EML4: variants seen among roughly 807,000 people sequenced by gnomAD.
EML4 encodes echinoderm microtubule-associated protein-like 4.
In EML4, 72 loss-of-function variants were observed where a neutral mutation model predicts 129.0. That is an observed-to-expected ratio of 0.56 (90% confidence interval 0.46 to 0.68). The LOEUF is 0.68. Among genes scored for constraint, EML4 ranks in the 30% least tolerant of loss-of-function variants. EML4 has a pLI of 0.00. For synonymous variants in EML4, 532 were observed against 405.0 expected (o/e 1.31, Z -3.77); for missense variants, 1,363 against 1,190.6 (o/e 1.14, Z -2.13).
Position 42,264,678 on chromosome 2 carries a change from A to C in EML4, c.642-28A>C, listed in dbSNP as rs377518538. ...GGTTAGCCATATAAACTTATAAAAT[A>C]AATGTGTTTCTTAAATTTCTTTTCT... On this transcript the variant is annotated intron_variant, in intron 5 of 22. Transcript: ENST00000318522. 6 of 1,283,918 alleles carry C rather than the reference A, an allele frequency of 4.7e-6. No individual in the cohort carries two copies. The East Asian group carries it at 1.4e-4, about 30-fold the overall frequency. The allele number at this position is 1,283,918 out of a possible 1,614,324, so 79.5% of individuals were successfully genotyped here. A position where few individuals can be genotyped will look rare whatever the true frequency, so the allele number is the denominator to read the frequency against.
At position 42,212,238 on chromosome 2, in the gene EML4, G is replaced by C. The variant is rs75506004; in HGVS notation, c.26-33267G>C. On this transcript the variant is annotated intron_variant, in intron 1 of 22. Transcript: ENST00000318522. The stretch of plus-strand genomic sequence containing the variant: ...TGGAGACTTTCTGATCATCTGTTAA[G>C]ATAAAAATGTTTTTGTTGATGGTTT... Among the ~76,000 whole-genome samples, 1,494 of 152,240 alleles carry C rather than the reference G, an allele frequency of 9.8e-3. 62 individuals are homozygous for C. In the East Asian group the frequency reaches 0.13, roughly 13 times the overall value.
intron 17 of EML4, among the ~76,000 whole-genome samples, chr2:42,312,322 C>T (rs1051161887): frequency 2.0e-5 from 3 of 152,024 alleles, no homozygotes; most frequent in Non-Finnish European, 4.4e-5. Context: ...AAAACTGGTT[C>T]AGGCCGTAAC....
At chr2:42,220,365 A>G (rs1205429962) in intron 1 of EML4, among the ~76,000 whole-genome samples, 5 of 151,910 alleles carry the variant, frequency 3.3e-5, no homozygotes, top group Non-Finnish European at 7.4e-5. Context: ...TAGTTCTCAC[A>G]GTATTTCAAA....
chr2:42,263,199 T>C lies in EML4; in HGVS notation c.534T>C (p.Ala178=), dbSNP rs1260588570. 1 of 1,612,522 alleles carries C rather than the reference T, an allele frequency of 6.2e-7. No individual in the cohort carries two copies. Residue 178 remains alanine, a synonymous_variant, in exon 5 of 23, where the codon GCT becomes GCC. Transcript: ENST00000318522. ...PTKSIKRPSP[A]EKSHNSWENS... ...CTAGCATAAAACGACCATCACCAGC[T>C]GAAAAGTCACATAATTCTTGGGAAA...
intron 1 of EML4, among the ~76,000 whole-genome samples, chr2:42,237,642 G>C (rs1229193827): frequency 6.6e-6 from 1 of 152,118 alleles, no homozygotes; most frequent in Admixed American, 6.5e-5. Context: ...CTATTGACCA[G>C]AAGCTTTACT....
At chr2:42,315,691 T>C (rs1198396814) in intron 17 of EML4, among the ~76,000 whole-genome samples, 1 of 151,988 alleles carries the variant, frequency 6.6e-6, no homozygotes, top group African/African-American at 2.4e-5. Context: ...CCAGATAACA[T>C]AGTAAGACCC....
chr2:42,257,259 G>C (rs1676213134), intron 3 of EML4, among the ~76,000 whole-genome samples: 1 of 152,076 alleles, frequency 6.6e-6, no homozygotes, highest in African/African-American at 2.4e-5. Context: ...GTGCTCACAG[G>C]ATTTTCCCCC....
intron 1 of EML4, among the ~76,000 whole-genome samples, chr2:42,230,379 C>A (rs1398930188): frequency 1.3e-5 from 2 of 152,018 alleles, no homozygotes; most frequent in Non-Finnish European, 2.9e-5. Flanking sequence ...CCACACTTAC[C>A]TATTAGCTCA....
chr2:42,266,135 G>A (rs1205142346), intron 6 of EML4, among the ~76,000 whole-genome samples: 5 of 151,894 alleles, frequency 3.3e-5, no homozygotes, highest in African/African-American at 1.2e-4. Context: ...TACTTCTTTC[G>A]TTCCAAAAAG....
chr2:42,299,396 A>G (rs1039027343), intron 13 of EML4, among the ~76,000 whole-genome samples: 1 of 152,196 alleles, frequency 6.6e-6, no homozygotes, highest in Admixed American at 6.5e-5. Context: ...TTCACATACC[A>G]TGAAATCTAC....
intron 11 of EML4, among the ~76,000 whole-genome samples, chr2:42,294,549 A>G (rs1311809161): frequency 6.6e-6 from 1 of 152,132 alleles, no homozygotes; most frequent in Non-Finnish European, 1.5e-5. Flanking sequence ...TACAAAACTT[A>G]GCTGGGCATG....
At chr2:42,267,190 C>T (rs1666109517) in intron 6 of EML4, among the ~76,000 whole-genome samples, 1 of 152,032 alleles carries the variant, frequency 6.6e-6, no homozygotes, top group South Asian at 2.1e-4. Context: ...ATAAAGTGTA[C>T]CCAGTACCTG....
In EML4 at chr2:42,234,676, T is replaced by G. The variant is rs1264454808; in HGVS notation, c.26-10829T>G. On this transcript the variant is annotated intron_variant, in intron 1 of 22. Transcript: ENST00000318522. ...ACTTTATAAACAAATATATTCCTGT[T>G]GAGAGGACAGGGTGGGTTTTGCTCA... Among the ~76,000 whole-genome samples the G allele has an allele frequency of 7.2e-5, 11 of 152,342 alleles. No individual in the cohort carries two copies. The East Asian group carries it at 1.9e-3, about 27-fold the overall frequency.
intron 1 of EML4, among the ~76,000 whole-genome samples, chr2:42,215,967 G>A (rs925224503): frequency 2.6e-5 from 4 of 151,370 alleles, no homozygotes; most frequent in Non-Finnish European, 5.9e-5. Flanking sequence ...GTCACCCAGG[G>A]TAGAGTGCAG....
intron 1 of EML4, among the ~76,000 whole-genome samples, chr2:42,220,850 T>A (rs1673548092): frequency 6.6e-6 from 1 of 152,200 alleles, no homozygotes; most frequent in Non-Finnish European, 1.5e-5. Context: ...GGAGAATGTT[T>A]GCATGTTCTG....
At chr2:42,276,475 T>C (rs561601415) in intron 6 of EML4, among the ~76,000 whole-genome samples, 2 of 152,174 alleles carry the variant, frequency 1.3e-5, no homozygotes, top group Non-Finnish European at 1.5e-5. Flanking sequence ...AAAGTGTACA[T>C]AATAGACTCA....
At chr2:42,300,492 G>C (rs1179651084) in intron 13 of EML4, among the ~76,000 whole-genome samples, 1 of 152,172 alleles carries the variant, frequency 6.6e-6, no homozygotes, top group African/African-American at 2.4e-5. Context: ...GGGTATACAA[G>C]AAAACTGGGC....
chr2:42,173,584 C>G (rs970416164), intron 1 of EML4, among the ~76,000 whole-genome samples: 3 of 152,168 alleles, frequency 2.0e-5, no homozygotes, highest in East Asian at 3.8e-4. Context: ...TGCAGTGGCT[C>G]ACGCCTGTAG....
Position 42,248,043 on chromosome 2 carries a change from G to A in EML4, c.208+2356G>A, listed in dbSNP as rs192926110. Among the ~76,000 whole-genome samples, 4 of 151,970 alleles carry A rather than the reference G, an allele frequency of 2.6e-5. No homozygotes were observed. The East Asian group carries it at 7.7e-4, about 29-fold the overall frequency. ...GACACGGTCTTACTCTGTCACCCAGGCTCACTGTAACCTCAAACTGCTGGG... is the reference window on the plus strand; with the variant it reads ...GACACGGTCTTACTCTGTCACCCAGACTCACTGTAACCTCAAACTGCTGGG... On this transcript the variant is annotated intron_variant, in intron 2 of 22. Coordinates refer to ENST00000318522, the MANE Select transcript of EML4 (RefSeq NM_019063.5).
Sources: allele counts gnomAD v4.1 joint callset (sites outside exome capture counted in the v4.1 genomes callset), GRCh38; gene constraint gnomAD v4.1.1; transcripts MANE v1.5; gene names NCBI Gene and HGNC (gene_info 2026-07-23, HGNC 2026-07-21).